Variants in GOT2 observed in about 807,000 individuals in gnomAD.
The protein encoded by GOT2 is aspartate aminotransferase, mitochondrial.
In GOT2, 17 loss-of-function variants were observed where a neutral mutation model predicts 50.0. The ratio of observed to expected loss-of-function variants is 0.34; its 90% CI spans 0.23 to 0.51. The LOEUF (loss-of-function observed/expected upper bound fraction) is 0.51. Ranked by LOEUF, GOT2 falls within the 20% of genes least tolerant of loss-of-function variation. GOT2 has a pLI of 0.97. For synonymous variants in GOT2, 172 were observed against 204.9 expected (o/e 0.84, Z 1.37); for missense variants, 430 against 559.6 (o/e 0.77, Z 2.34).
rs773107472 is a variant in GOT2, at chr16:58,734,156, C to A, written c.73G>T (p.Ala25Ser). 1 of 1,334,346 alleles carries A rather than the reference C, an allele frequency of 7.5e-7. No homozygotes were observed. The highest frequency in any genetic ancestry group is 2.8e-5 in the East Asian group (1 of 36,010). 82.7% of individuals were successfully genotyped at this position (1,334,346 alleles called of 1,614,324 possible). ...AAFHPGLAAA[A>S]SARASSWWTH... Reference sequence around the variant, plus strand: ...TTGGCTTACCTGGCTCTGGCAGAGGCCGCGGCGGCGAGGCCCGGGTGGAAG... The same window carrying A: ...TTGGCTTACCTGGCTCTGGCAGAGGACGCGGCGGCGAGGCCCGGGTGGAAG... Residue 25 changes from alanine to serine, a missense_variant, in exon 1 of 10, where the codon GCC (alanine) becomes TCC (serine). Transcript: ENST00000245206.
At chr16:58,716,586 A>ACC (rs2152094761) in intron 7 of GOT2, 77 bp downstream of exon 7, 3 of 1,153,964 alleles carry the variant, frequency 2.6e-6, no homozygotes, top group East Asian at 2.4e-5. Context: ...ACACACACAC[A>ACC]CACCCACAAG....
chr16:58,734,315 G>A lies in GOT2; in HGVS notation c.-87C>T. 1.4e-6 allele frequency: 1 copy of A among 704,926 alleles called. No homozygotes were observed. Among genetic ancestry groups the A allele is most frequent in the Non-Finnish European group, 2.0e-6 (1 of 500,596 alleles). The allele number at this position is 704,926 out of a possible 1,614,324, so 43.7% of individuals were successfully genotyped here. A position where few individuals can be genotyped will look rare whatever the true frequency, so the allele number is the denominator to read the frequency against. On this transcript the variant is annotated 5_prime_UTR_variant, in exon 1 of 10. Coordinates refer to ENST00000245206, the MANE Select transcript of GOT2 (RefSeq NM_002080.4). The stretch of plus-strand genomic sequence containing the variant: ...CACAGGGAACCGGCTCCTGCTGAAG[G>A]TAAGGACAGGGACTTCCCTGGGCCA...
At chr16:58,716,569 CACA>C (rs2044695020) in intron 7 of GOT2, 91 bp downstream of exon 7, 1 of 973,220 alleles carries the variant, frequency 1.0e-6, no homozygotes, top group African/African-American at 2.0e-5. Flanking sequence ...GACACACACA[CACA>C]CACACACACA....
chr16:58,732,281 G>A (rs569005365), intron 1 of GOT2, among the ~76,000 whole-genome samples: 2 of 152,164 alleles, frequency 1.3e-5, no homozygotes, highest in East Asian at 3.9e-4. Context: ...TCCAGCCTGG[G>A]CAACACAGTG....
At chr16:58,721,183 G>T (rs2044736966) in intron 3 of GOT2, among the ~76,000 whole-genome samples, 1 of 152,094 alleles carries the variant, frequency 6.6e-6, no homozygotes, top group South Asian at 2.1e-4. Context: ...TATTTATTCT[G>T]GCTTTTCAGA....
intron 2 of GOT2, 100 bp from the exon 3 acceptor site, chr16:58,722,378 CTTT>C: frequency 1.8e-6 from 2 of 1,098,394 alleles, no homozygotes; most frequent in Non-Finnish European, 2.6e-6. Context: ...GAGGTAAAGT[CTTT>C]TTTTTTTGAG....
chr16:58,733,504 GAC>G (rs2044851623), intron 1 of GOT2, among the ~76,000 whole-genome samples: 1 of 152,126 alleles, frequency 6.6e-6, no homozygotes, highest in Admixed American at 6.5e-5. Flanking sequence ...CAAAAAAAGA[GAC>G]ACACTACACC....
chr16:58,719,139 A>C (rs2044719754), intron 4 of GOT2, 57 bp downstream of exon 4: 1 of 1,223,220 alleles, frequency 8.2e-7, no homozygotes, highest in African/African-American at 1.5e-5. Flanking sequence ...CACACACAAC[A>C]GGAAGCCCTG....
At chr16:58,710,507 C>T (rs371649034) in intron 8 of GOT2, among the ~76,000 whole-genome samples, 4 of 151,020 alleles carry the variant, frequency 2.6e-5, no homozygotes, top group Non-Finnish European at 5.9e-5. Context: ...GCTAGGATTA[C>T]AGACATAAGC....
chr16:58,732,704 C>T (rs910012939), intron 1 of GOT2, among the ~76,000 whole-genome samples: 2 of 152,126 alleles, frequency 1.3e-5, no homozygotes, highest in African/African-American at 4.8e-5. Flanking sequence ...GAATGACTAA[C>T]CCTGACCCCA....
intron 1 of GOT2, chr16:58,733,801 CG>C (rs2044854597): frequency 1.6e-5 from 4 of 257,472 alleles, no homozygotes; most frequent in Non-Finnish European, 2.9e-5. Flanking sequence ...TACCCGGCGC[CG>C]CTGCCCCAGT....
intron 8 of GOT2, among the ~76,000 whole-genome samples, chr16:58,713,475 TA>T (rs201872795): frequency 0.012 from 1,853 of 151,612 alleles, 15 homozygotes; most frequent in Middle Eastern, 0.038. Context: ...CTTGTCTTTA[TA>T]AAAAATCAAA....
chr16:58,715,561 A>G (rs959569471), intron 8 of GOT2, among the ~76,000 whole-genome samples: 2 of 152,032 alleles, frequency 1.3e-5, no homozygotes, highest in Admixed American at 1.3e-4. Flanking sequence ...CTATCTATAT[A>G]TATAGATTGA....
chr16:58,726,062 G>A (rs2044780852), intron 1 of GOT2, among the ~76,000 whole-genome samples: 1 of 152,180 alleles, frequency 6.6e-6, no homozygotes, highest in Non-Finnish European at 1.5e-5. Flanking sequence ...TAGCAATGAT[G>A]GAAACACATT....
intron 4 of GOT2, among the ~76,000 whole-genome samples, chr16:58,718,928 G>A (rs2044718174): frequency 6.6e-6 from 1 of 152,140 alleles, no homozygotes; most frequent in Non-Finnish European, 1.5e-5. Flanking sequence ...GGGGTTAATT[G>A]TACCTCTCTC....
At chr16:58,721,999 C>T (rs1249570949) in intron 3 of GOT2, 151 bp downstream of exon 3, 5 of 669,106 alleles carry the variant, frequency 7.5e-6, no homozygotes, top group South Asian at 4.0e-5. Flanking sequence ...AGGCTGGTCT[C>T]GAACTCCCGA....
intron 8 of GOT2, among the ~76,000 whole-genome samples, chr16:58,713,926 G>A (rs1422288696): frequency 6.6e-6 from 1 of 152,152 alleles, no homozygotes; most frequent in South Asian, 2.1e-4. Flanking sequence ...GTACAGCTGT[G>A]TTCCAATAAA....
At chr16:58,713,339 C>A (rs557791609) in intron 8 of GOT2, among the ~76,000 whole-genome samples, 2 of 152,072 alleles carry the variant, frequency 1.3e-5, no homozygotes, top group South Asian at 2.1e-4. Flanking sequence ...ACCTATTATA[C>A]CATAAAGAAC....
At chr16:58,713,422 T>A (rs763460999) in intron 8 of GOT2, among the ~76,000 whole-genome samples, 1 of 152,094 alleles carries the variant, frequency 6.6e-6, no homozygotes, top group Non-Finnish European at 1.5e-5. Flanking sequence ...GAGGATGACT[T>A]GAGCCCAGGA....
Sources: gnomAD v4.1 joint callset for allele counts (sites outside exome capture counted in the v4.1 genomes callset) on GRCh38, gnomAD v4.1.1 for gene constraint, MANE v1.5 for transcripts, NCBI Gene and HGNC (gene_info 2026-07-23, HGNC 2026-07-21) for gene names.